Variants in ATXN8OS observed in about 807,000 individuals in gnomAD.
ATXN8OS encodes the protein ATXN8 opposite strand lncRNA.
intron 2 of ATXN8OS, among the ~76,000 whole-genome samples, chr13:70,127,766 A>G (rs1888462017): frequency 6.6e-6 from 1 of 151,944 alleles, no homozygotes; most frequent in Non-Finnish European, 1.5e-5. Context: ...TTAAAAAGCA[A>G]TACTGTCTAA....
At chr13:70,108,086 C>T (rs1888122178) in intron 1 of ATXN8OS, 2 of 414,088 alleles carry the variant, frequency 4.8e-6, no homozygotes, top group Non-Finnish European at 4.3e-6. Context: ...GCTCCGGAGG[C>T]GGCTGCAGCT....
intron 1 of ATXN8OS, among the ~76,000 whole-genome samples, chr13:70,112,409 CT>C (rs1888209550): frequency 1.3e-5 from 2 of 151,938 alleles, no homozygotes; most frequent in South Asian, 2.1e-4. Flanking sequence ...TTTGCAGTGA[CT>C]TTTTTTCCCA....
intron 1 of ATXN8OS, among the ~76,000 whole-genome samples, chr13:70,109,820 C>A (rs952841430): frequency 5.3e-5 from 8 of 152,202 alleles, no homozygotes; most frequent in Non-Finnish European, 1.2e-4. Context: ...AATTACACAT[C>A]ACAAACAGGA....
intron 2 of ATXN8OS, among the ~76,000 whole-genome samples, chr13:70,128,897 G>A (rs1268191002): frequency 6.8e-6 from 1 of 147,302 alleles, no homozygotes; most frequent in African/African-American, 2.5e-5. Flanking sequence ...TTTTGCTCTT[G>A]TTGCCCACAC....
intron 4 of ATXN8OS, among the ~76,000 whole-genome samples, chr13:70,148,177 T>C (rs1392768550): frequency 6.6e-6 from 1 of 152,136 alleles, no homozygotes; most frequent in African/African-American, 2.4e-5. Context: ...CAGACTCTTA[T>C]TGAAATCTTT....
chr13:70,109,587 G>A (rs1426488844), intron 1 of ATXN8OS, among the ~76,000 whole-genome samples: 1 of 152,076 alleles, frequency 6.6e-6, no homozygotes, highest in African/African-American at 2.4e-5. Flanking sequence ...CTATTTTTAG[G>A]GGAATAAAAA....
chr13:70,146,720 C>T (rs1888791046), intron 3 of ATXN8OS, among the ~76,000 whole-genome samples: 1 of 141,160 alleles, frequency 7.1e-6, no homozygotes, highest in East Asian at 2.1e-4. Flanking sequence ...ACAATGAGAA[C>T]ACATGGACAC....
intron 2 of ATXN8OS, among the ~76,000 whole-genome samples, chr13:70,116,748 A>C (rs1277605958): frequency 6.6e-6 from 1 of 152,156 alleles, no homozygotes; most frequent in Non-Finnish European, 1.5e-5. Context: ...CAAGGTAGAG[A>C]AAAGAAAAAC....
At chr13:70,128,769 G>A (rs1484221001) in intron 2 of ATXN8OS, among the ~76,000 whole-genome samples, 3 of 151,576 alleles carry the variant, frequency 2.0e-5, no homozygotes, top group African/African-American at 7.3e-5. Context: ...CTCAATGTTC[G>A]TATATCTCTT....
Position 70,164,070 on chromosome 13 carries a change from A to C in ATXN8OS, n.574-5683A>C, listed in dbSNP as rs924294303. 9.8e-4 allele frequency among the ~76,000 whole-genome samples: 144 copies of C among 146,198 alleles called. 1 individual carries two copies. Among genetic ancestry groups the C allele is most frequent in the African/African-American group, 3.3e-3 (132 of 40,354 alleles). ...AGTTTTTATTCTTATTATTATTATT[A>C]TTATTATTATTATTATTATTATTAT... On this transcript the variant is annotated intron_variant and non_coding_transcript_variant, in intron 4 of 4. Coordinates refer to ENST00000678624, the Ensembl canonical transcript of ATXN8OS.
intron 2 of ATXN8OS, among the ~76,000 whole-genome samples, chr13:70,126,316 A>G (rs1888434295): frequency 6.6e-6 from 1 of 152,110 alleles, no homozygotes; most frequent in South Asian, 2.1e-4. Context: ...ATGTTCCCTC[A>G]CTTTCTCATG....
At chr13:70,110,151 A>G (rs975237691) in intron 1 of ATXN8OS, among the ~76,000 whole-genome samples, 1 of 152,176 alleles carries the variant, frequency 6.6e-6, no homozygotes, top group Non-Finnish European at 1.5e-5. Flanking sequence ...TTGTGGTATA[A>G]AGGAACATGA....
chr13:70,148,824 T>A (rs1888824807), intron 4 of ATXN8OS, among the ~76,000 whole-genome samples: 1 of 152,084 alleles, frequency 6.6e-6, no homozygotes, highest in Admixed American at 6.6e-5. Flanking sequence ...TAAGGGCCAA[T>A]ATAATATTTT....
At chr13:70,108,521 G>A (rs1478547232) in intron 1 of ATXN8OS, 2 of 150,800 alleles carry the variant, frequency 1.3e-5, no homozygotes, top group Non-Finnish European at 2.9e-5. Flanking sequence ...GGGCCTATAC[G>A]GAGAGATGGA....
chr13:70,126,971 A>G (rs540194503), intron 2 of ATXN8OS, among the ~76,000 whole-genome samples: 86 of 151,958 alleles, frequency 5.7e-4, no homozygotes, highest in African/African-American at 2.0e-3. Flanking sequence ...CTATCTATAG[A>G]TACATATATC....
exon 5 of ATXN8OS, among the ~76,000 whole-genome samples, chr13:70,169,765 C>G (rs1889123447): frequency 6.6e-6 from 1 of 152,026 alleles, no homozygotes; most frequent in Non-Finnish European, 1.5e-5. Context: ...CAATGTCTTC[C>G]CAAGGTTACA....
At chr13:70,107,430 A>G (rs1888095531), upstream of ATXN8OS, 1 of 1,611,262 alleles carries the variant, frequency 6.2e-7, no homozygotes, top group South Asian at 1.1e-5. Flanking sequence ...CATTCAGCGG[A>G]TTGAAGGAAG....
At chr13:70,115,183 G>C (rs919897549) in exon 2 of ATXN8OS, 6 of 398,318 alleles carry the variant, frequency 1.5e-5, no homozygotes, top group Non-Finnish European at 2.7e-5. Flanking sequence ...CGAGAATTTG[G>C]TCTAAAGAGA....
At chr13:70,171,018 G>A (rs564415455) in exon 5 of ATXN8OS, among the ~76,000 whole-genome samples, 1 of 152,110 alleles carries the variant, frequency 6.6e-6, no homozygotes, top group South Asian at 2.1e-4. Context: ...ACCTGTATAG[G>A]GCACTGTTAA....
Sources: allele counts gnomAD v4.1 joint callset (sites outside exome capture counted in the v4.1 genomes callset), GRCh38; gene constraint gnomAD v4.1.1; transcripts MANE v1.5; gene names NCBI Gene and HGNC (gene_info 2026-07-23, HGNC 2026-07-21).